Variants in BRD10 observed in about 807,000 individuals in gnomAD.
BRD10 encodes bromodomain containing 10.
At chr9:5,967,125 G>T in the BRD10 span, among the ~76,000 whole-genome samples, 5 of 151,608 alleles carry the variant, frequency 3.3e-5, no homozygotes, top group Admixed American at 6.6e-5. Flanking sequence ...ACTGAAGAAA[G>T]AAATAAAAAG....
the BRD10 span, chr9:5,921,961 A>G: frequency 6.2e-7 from 1 of 1,613,962 alleles, no homozygotes; most frequent in Non-Finnish European, 8.5e-7. Flanking sequence ...TAAAAGGTGA[A>G]AGACTAGATG....
the BRD10 span, among the ~76,000 whole-genome samples, chr9:5,925,549 A>G: frequency 1.1e-4 from 16 of 152,076 alleles, no homozygotes; most frequent in Non-Finnish European, 1.2e-4. Flanking sequence ...ACACATCTTA[A>G]AAGGTCATTT....
the BRD10 span, chr9:5,988,393 A>G: frequency 1.2e-6 from 2 of 1,613,862 alleles, no homozygotes; most frequent in East Asian, 4.5e-5. Flanking sequence ...CAAAACTTGA[A>G]CCATTATAGA....
At chr9:5,928,445 AAAACTCC>A in the BRD10 span, among the ~76,000 whole-genome samples, 1 of 152,028 alleles carries the variant, frequency 6.6e-6, no homozygotes. Context: ...ACTCAGTGTA[AAAACTCC>A]AATTCTTAAA....
the BRD10 span, among the ~76,000 whole-genome samples, chr9:5,932,702 T>C: frequency 6.6e-6 from 1 of 152,132 alleles, no homozygotes; most frequent in Admixed American, 6.6e-5. Context: ...ACAACTGTAT[T>C]TGCCGACAGA....
At chr9:5,930,753 A>G in the BRD10 span, among the ~76,000 whole-genome samples, 11 of 152,312 alleles carry the variant, frequency 7.2e-5, no homozygotes, top group African/African-American at 2.6e-4. Flanking sequence ...TGTGTTCTAA[A>G]GTACACAAAG....
the BRD10 span, among the ~76,000 whole-genome samples, chr9:5,914,691 G>A: frequency 6.6e-6 from 1 of 151,970 alleles, no homozygotes; most frequent in Non-Finnish European, 1.5e-5. Context: ...CCAAAGTGCT[G>A]GGATTACAGG....
the BRD10 span, among the ~76,000 whole-genome samples, chr9:5,997,787 A>T: frequency 6.6e-6 from 1 of 152,328 alleles, no homozygotes; most frequent in Admixed American, 6.5e-5. Flanking sequence ...AATATTAACT[A>T]AGCACTTATA....
chr9:5,973,218 G>A, the BRD10 span, among the ~76,000 whole-genome samples: 7 of 152,230 alleles, frequency 4.6e-5, no homozygotes, highest in African/African-American at 1.7e-4. Flanking sequence ...TGTAATCTCA[G>A]CACTTTGGGA....
chr9:6,008,270 C>T, the BRD10 span: 2 of 983,458 alleles, frequency 2.0e-6, no homozygotes, highest in Non-Finnish European at 2.4e-6. Flanking sequence ...CCCCCTCCCG[C>T]CCCCCTCTAC....
the BRD10 span, among the ~76,000 whole-genome samples, chr9:5,888,232 G>A: frequency 1.3e-4 from 20 of 152,320 alleles, 1 homozygote; most frequent in South Asian, 3.9e-3. Context: ...GTGTCCCACT[G>A]AAATGCTTCT....
chr9:5,895,700 G>A, the BRD10 span, among the ~76,000 whole-genome samples: 1 of 152,186 alleles, frequency 6.6e-6, no homozygotes. Context: ...GATTGGGTAG[G>A]CCAGGGGTGG....
At chr9:5,897,801 A>G in the BRD10 span, 1 of 715,234 alleles carries the variant, frequency 1.4e-6, no homozygotes, top group Non-Finnish European at 2.5e-6. Flanking sequence ...GCTACATTGT[A>G]CTTTGGCAAC....
At chr9:5,967,281 C>T in the BRD10 span, among the ~76,000 whole-genome samples, 2 of 151,740 alleles carry the variant, frequency 1.3e-5, no homozygotes, top group Non-Finnish European at 2.9e-5. Context: ...ATAAATGAGA[C>T]ATAAACTGAT....
chr9:5,919,599 T>C, the BRD10 span: 2 of 842,998 alleles, frequency 2.4e-6, no homozygotes, highest in Non-Finnish European at 3.4e-6. Flanking sequence ...ATAGTATGCT[T>C]TCAACAGTAT....
the BRD10 span, among the ~76,000 whole-genome samples, chr9:5,931,568 G>A: frequency 6.6e-5 from 10 of 152,050 alleles, no homozygotes; most frequent in Non-Finnish European, 1.3e-4. Context: ...TGAAATGTCT[G>A]TTATCTTTTA....
At chr9:5,900,137 A>G in the BRD10 span, among the ~76,000 whole-genome samples, 1 of 152,214 alleles carries the variant, frequency 6.6e-6, no homozygotes, top group Non-Finnish European at 1.5e-5. Flanking sequence ...ACACAAATGC[A>G]GTAATTTTTC....
chr9:5,958,796 G>A, the BRD10 span, among the ~76,000 whole-genome samples: 1 of 152,066 alleles, frequency 6.6e-6, no homozygotes, highest in Admixed American at 6.5e-5. Context: ...ATTGTTGCAA[G>A]TAAAAACTCA....
At chr9:5,968,141 T>C in the BRD10 span, 1 of 1,585,960 alleles carries the variant, frequency 6.3e-7, no homozygotes, top group Non-Finnish European at 8.6e-7. Flanking sequence ...TAAGTTTTCA[T>C]TCAAAACATC....
Sources: gnomAD v4.1 joint callset for allele counts (sites outside exome capture counted in the v4.1 genomes callset) on GRCh38, gnomAD v4.1.1 for gene constraint, MANE v1.5 for transcripts, NCBI Gene and HGNC (gene_info 2026-07-23, HGNC 2026-07-21) for gene names.